EVL: variants seen among roughly 807,000 people sequenced by gnomAD.
EVL encodes Enah/Vasp-like, also known as ena/VASP-like protein.
EVL carries 21 observed loss-of-function variants against 59.6 expected under a neutral mutation model. The ratio of observed to expected loss-of-function variants is 0.35; its 90% CI spans 0.25 to 0.51. The LOEUF (loss-of-function observed/expected upper bound fraction) is 0.51, where lower values mean the gene tolerates loss of function less well. Ranked by LOEUF, EVL falls within the 20% of genes least tolerant of loss-of-function variation. The probability of loss-of-function intolerance (pLI) is 0.97; values close to 1 mark genes in which losing one functional copy is unlikely to be tolerated. For synonymous variants in EVL, 198 were observed against 203.5 expected, an observed-to-expected ratio of 0.97 and a Z score of 0.23; for missense variants, 462 against 546.6, an observed-to-expected ratio of 0.85 and a Z score of 1.54.
At chr14:100,126,262 G>A (rs1343110757) in intron 4 of EVL, among the ~76,000 whole-genome samples, 5 of 152,350 alleles carry the variant, frequency 3.3e-5, no homozygotes, top group Non-Finnish European at 7.4e-5. Flanking sequence ...AGAAAATGAG[G>A]AGTGTGGCCT....
At position 100,096,656 on chromosome 14, in the gene EVL, C is replaced by T. The variant is rs570943524; in HGVS notation, c.181-825C>T. Reference sequence around the variant, plus strand: ...GGCTCCAGCCCCAGCATCTTTTCCTCCAGGGCACGACTTAGGAATATAGTC... The same window carrying T: ...GGCTCCAGCCCCAGCATCTTTTCCTTCAGGGCACGACTTAGGAATATAGTC... On this transcript the variant is annotated intron_variant, in intron 2 of 13. Transcript: ENST00000392920. Among the ~76,000 whole-genome samples, 46 of 152,300 alleles carry T rather than the reference C, an allele frequency of 3.0e-4. 1 individual carries two copies. The highest frequency in any genetic ancestry group is 1.1e-3 in the African/African-American group (44 of 41,552).
rs975214932 is a variant in EVL, at chr14:100,141,253, A to G, written c.1161+7A>G. On this transcript the variant is annotated splice_region_variant and intron_variant, in intron 12 of 13. Transcript: ENST00000392920. ...CTTGGACCGGATGAAGCAGGTGAGC[A>G]TGCCCTGTGCCCTTCCCTCAAGAGG... is the stretch of plus-strand genomic sequence containing the variant. 1.9e-6 allele frequency: 3 copies of G among 1,613,556 alleles called. No homozygotes were observed. Among genetic ancestry groups the G allele is most frequent in the African/African-American group, 2.7e-5 (2 of 74,924 alleles).
chr14:100,124,634 C>T (rs1279438603), intron 4 of EVL, among the ~76,000 whole-genome samples: 3 of 152,218 alleles, frequency 2.0e-5, no homozygotes, highest in African/African-American at 7.2e-5. Context: ...TCAAGTCTCA[C>T]TCCAGCTGCA....
intron 1 of EVL, among the ~76,000 whole-genome samples, chr14:99,976,180 TTTTATTTA>T (rs141612796): frequency 0.048 from 6,998 of 145,786 alleles, 213 homozygotes; most frequent in African/African-American, 0.07. Flanking sequence ...CATGGCCAGC[TTTTATTTA>T]TTTATTTATT....
intron 1 of EVL, among the ~76,000 whole-genome samples, chr14:100,083,306 C>A (rs982877313): frequency 2.6e-5 from 4 of 152,128 alleles, no homozygotes; most frequent in African/African-American, 9.7e-5. Context: ...ATTTATGGTT[C>A]ATTTACATTG....
chr14:100,118,111 A>G (rs1887466756), intron 3 of EVL, among the ~76,000 whole-genome samples: 1 of 152,198 alleles, frequency 6.6e-6, no homozygotes, highest in Non-Finnish European at 1.5e-5. Flanking sequence ...GTGCAAGCAT[A>G]TGTCATGGAT....
intron 1 of EVL, among the ~76,000 whole-genome samples, chr14:100,056,020 C>T (rs151191854): frequency 0.012 from 1,852 of 152,112 alleles, 33 homozygotes; most frequent in African/African-American, 0.042. Context: ...CCATGTTGGC[C>T]GGGCTGGTCT....
intron 1 of EVL, among the ~76,000 whole-genome samples, chr14:100,077,045 G>T (rs1004166855): frequency 6.6e-6 from 1 of 152,206 alleles, no homozygotes; most frequent in African/African-American, 2.4e-5. Flanking sequence ...GAACACAGAA[G>T]TTTTGTATGA....
rs532067596 is a variant in EVL, at chr14:100,110,477, T to G, written c.358+12819T>G. Among the ~76,000 whole-genome samples, 241 of 151,930 alleles carry G rather than the reference T, an allele frequency of 1.6e-3. 5 individuals carry two copies. The highest frequency in any genetic ancestry group is 4.9e-4 in the Non-Finnish European group (33 of 67,986). ...AGCCAGGCTTCTTGGATCCTGATGG[T>G]CAGAGAACACTTTCTGAGGGAAGCG... On this transcript the variant is annotated intron_variant, in intron 3 of 13. Transcript: ENST00000392920.
rs945323264 is a variant in EVL, at chr14:100,130,376, T to C, written c.839+692T>C. 2.6e-5 allele frequency among the ~76,000 whole-genome samples: 4 copies of C among 152,230 alleles called. No homozygotes were observed. The highest frequency in any genetic ancestry group is 4.8e-5 in the African/African-American group (2 of 41,464). ...AAAGCTTGGATTTTATTTTTAAATATGACTTGGCATCAGGAATGTGCTCAC... is the reference window on the plus strand; with the variant it reads ...AAAGCTTGGATTTTATTTTTAAATACGACTTGGCATCAGGAATGTGCTCAC... On this transcript the variant is annotated intron_variant, in intron 7 of 13. Transcript: ENST00000392920. This position sits in a 1 kb window ranked among gnomAD's most constrained non-coding sequence, Gnocchi z 4.8.
chr14:100,037,185 G>A (rs1011205887), intron 1 of EVL, among the ~76,000 whole-genome samples: 1 of 152,218 alleles, frequency 6.6e-6, no homozygotes, highest in Non-Finnish European at 1.5e-5. Context: ...AAAGAAAGAA[G>A]AAGAAGGTGA....
At chr14:100,092,541 C>T (rs1041336278) in intron 2 of EVL, among the ~76,000 whole-genome samples, 12 of 152,114 alleles carry the variant, frequency 7.9e-5, no homozygotes, top group Admixed American at 3.3e-4. Context: ...TCAAGATCAG[C>T]CTGGCCAACA....
In EVL at chr14:100,104,902, CTTTTT is replaced by C. The variant is rs568203851; in HGVS notation, c.358+7266_358+7270del. On this transcript the variant is annotated intron_variant, in intron 3 of 13. Coordinates refer to ENST00000392920, the MANE Select transcript of EVL (RefSeq NM_016337.3). ...TATAATCCAGTTTCTCCTCTCTTTA[CTTTTT>C]TTTTTTTTTTTTTTTTTTTTTAACT... Among the ~76,000 whole-genome samples, 37 of 99,512 alleles carry C rather than the reference CTTTTT, an allele frequency of 3.7e-4. 1 individual carries two copies. Among genetic ancestry groups the C allele is most frequent in the Admixed American group, 1.6e-3 (13 of 8,370 alleles). 65.3% of individuals were successfully genotyped at this position (99,512 alleles called of 152,430 possible).
intron 1 of EVL, among the ~76,000 whole-genome samples, chr14:100,073,320 C>CTTTTTTTT (rs368484673): frequency 7.3e-6 from 1 of 137,362 alleles, no homozygotes. Context: ...TTTCCTTTTT[C>CTTTTTTTT]TTTTTTTTTT....
At chr14:100,131,413 C>A (rs1888427964) in intron 7 of EVL, among the ~76,000 whole-genome samples, 1 of 152,220 alleles carries the variant, frequency 6.6e-6, no homozygotes, top group Non-Finnish European at 1.5e-5. Flanking sequence ...GTGATGGCTA[C>A]TGGGTGGAGC....
At chr14:100,096,131 T>G (rs2140318156) in intron 2 of EVL, among the ~76,000 whole-genome samples, 1 of 152,312 alleles carries the variant, frequency 6.6e-6, no homozygotes, top group East Asian at 1.9e-4. Context: ...CACCCAAGAC[T>G]TGGAAAACAG....
In EVL at chr14:100,130,591, T is replaced by G. The variant is rs974173550; in HGVS notation, c.839+907T>G. Among the ~76,000 whole-genome samples the G allele has an allele frequency of 1.1e-4, 16 of 152,202 alleles. No homozygotes were observed. Among genetic ancestry groups the G allele is most frequent in the African/African-American group, 3.4e-4 (14 of 41,456 alleles). On this transcript the variant is annotated intron_variant, in intron 7 of 13. Coordinates refer to ENST00000392920, the MANE Select transcript of EVL (RefSeq NM_016337.3). This position sits in a 1 kb window ranked among gnomAD's most constrained non-coding sequence, Gnocchi z 4.8. Reference sequence around the variant, plus strand: ...AATTGGCTGACCCAAGTGAGAACTCTGTGTGCCCAGGGTCTTCACACTGCA... The same window carrying G: ...AATTGGCTGACCCAAGTGAGAACTCGGTGTGCCCAGGGTCTTCACACTGCA...
intron 1 of EVL, among the ~76,000 whole-genome samples, chr14:100,070,902 G>A (rs1184025610): frequency 6.6e-6 from 1 of 152,222 alleles, no homozygotes; most frequent in Non-Finnish European, 1.5e-5. Context: ...TTTGAGGTTT[G>A]AGTAGCCTTA....
At chr14:100,094,796 C>G (rs1447015844) in intron 2 of EVL, among the ~76,000 whole-genome samples, 1 of 151,432 alleles carries the variant, frequency 6.6e-6, no homozygotes. Flanking sequence ...AATCTCAGCA[C>G]TTTGGGAGGC....
Sources: gnomAD v4.1 joint callset for allele counts (sites outside exome capture counted in the v4.1 genomes callset) on GRCh38, gnomAD v4.1.1 for gene constraint, Gnocchi (gnomAD v3.1) non-coding constraint, MANE v1.5 for transcripts, NCBI Gene and HGNC (gene_info 2026-07-23, HGNC 2026-07-21) for gene names.